Variants in FREM2 observed in about 807,000 individuals in gnomAD.
FREM2 encodes FRAS1-related extracellular matrix protein 2.
A neutral mutation model predicts 219.9 loss-of-function variants in FREM2; 119 were observed. The ratio of observed to expected loss-of-function variants is 0.54; its 90% CI spans 0.47 to 0.63. FREM2 has a LOEUF of 0.63. Among genes scored for constraint, FREM2 ranks in the 30% least tolerant of loss-of-function variants. The probability of loss-of-function intolerance (pLI) is 0.00; values close to 1 mark genes in which losing one functional copy is unlikely to be tolerated. For missense variants in FREM2, 4,030 were observed against 3,993.6 expected, an observed-to-expected ratio of 1.01 and a Z score of -0.25; for synonymous variants, 1,562 against 1,522.8, an observed-to-expected ratio of 1.03 and a Z score of -0.60.
At chr13:38,764,224 C>T (rs1873346419) in intron 2 of FREM2, 80 bp from the exon 3 acceptor site, 2 of 1,003,524 alleles carry the variant, frequency 2.0e-6, no homozygotes, top group Admixed American at 1.7e-5. Flanking sequence ...AATGTTGTTT[C>T]ATTAAAGTAA....
chr13:38,762,155 A>C (rs572901128), intron 2 of FREM2, among the ~76,000 whole-genome samples: 27 of 152,268 alleles, frequency 1.8e-4, no homozygotes, highest in African/African-American at 6.0e-4. Context: ...CGATCTTTGA[A>C]GAAATCACAG....
intron 2 of FREM2, among the ~76,000 whole-genome samples, chr13:38,737,408 T>G (rs1872042335): frequency 6.6e-6 from 1 of 152,188 alleles, no homozygotes; most frequent in African/African-American, 2.4e-5. Context: ...TGTTAGCATA[T>G]TTCTCTCTAA....
At chr13:38,803,690 C>T (rs531762180) in intron 6 of FREM2, among the ~76,000 whole-genome samples, 5 of 150,046 alleles carry the variant, frequency 3.3e-5, no homozygotes, top group South Asian at 2.2e-4. Flanking sequence ...TGTGACAACC[C>T]GCAGGGGTTT....
intron 2 of FREM2, among the ~76,000 whole-genome samples, chr13:38,710,656 C>T (rs1309717218): frequency 1.3e-5 from 2 of 152,176 alleles, no homozygotes; most frequent in African/African-American, 4.8e-5. Flanking sequence ...TTGCCTTAGT[C>T]ACCACACGGC....
At position 38,831,930 on chromosome 13, in the gene FREM2, A is replaced by G. The variant is rs543515842; in HGVS notation, c.6020-14643A>G. Reference sequence around the variant, plus strand: ...CTACTGCATCTGGTCCTGAACTTTAATTTTTCAACAATAATTTTGAAAATG... The same window carrying G: ...CTACTGCATCTGGTCCTGAACTTTAGTTTTTCAACAATAATTTTGAAAATG... On this transcript the variant is annotated intron_variant, in intron 6 of 23. Transcript: ENST00000280481. Among the ~76,000 whole-genome samples the G allele has an allele frequency of 2.0e-5, 3 of 152,100 alleles. No homozygotes were observed. The East Asian group carries it at 5.8e-4, about 29-fold the overall frequency.
chr13:38,882,807 T>C lies in FREM2; in HGVS notation c.*2020T>C, dbSNP rs555037836. On this transcript the variant is annotated 3_prime_UTR_variant, in exon 24 of 24. Coordinates refer to ENST00000280481, the MANE Select transcript of FREM2 (RefSeq NM_207361.6). ...TGCGTAGACTTTTCCCTACTTACCA[T>C]TGGGTTCAATTGATGTAGACTGTTA... 4 of 152,198 alleles carry C rather than the reference T, an allele frequency of 2.6e-5. No individual in the cohort carries two copies. Among genetic ancestry groups the C allele is most frequent in the Non-Finnish European group, 4.4e-5 (3 of 68,030 alleles). The allele number at this position is 152,198 out of a possible 1,614,324, so 9.4% of individuals were successfully genotyped here.
rs201226270 is a variant in FREM2 at position 38,783,059 on chromosome 13, T to A, written c.5642-11T>A. 1.9e-6 allele frequency: 3 copies of A among 1,613,160 alleles called. No individual in the cohort carries two copies. In the East Asian group the frequency reaches 6.7e-5, roughly 36 times the overall value. ...ACAAAAATAATGCTTGCAATTGTGTTTTCTCTCTAGAGCCAACTGTGTTTA... is the reference window on the plus strand; with the variant it reads ...ACAAAAATAATGCTTGCAATTGTGTATTCTCTCTAGAGCCAACTGTGTTTA... On this transcript the variant is annotated splice_polypyrimidine_tract_variant and intron_variant, in intron 4 of 23. Coordinates refer to ENST00000280481, the MANE Select transcript of FREM2 (RefSeq NM_207361.6).
chr13:38,734,738 C>CTTTTTTTT (rs11314517), intron 2 of FREM2, among the ~76,000 whole-genome samples: 3 of 89,384 alleles, frequency 3.4e-5, no homozygotes, highest in East Asian at 3.6e-4. Flanking sequence ...CAGTGCTATA[C>CTTTTTTTT]TTTTTTTTTT....
At chr13:38,704,416 G>A (rs1034333804) in intron 2 of FREM2, among the ~76,000 whole-genome samples, 2 of 152,210 alleles carry the variant, frequency 1.3e-5, no homozygotes, top group African/African-American at 2.4e-5. Context: ...GCACCTGAAA[G>A]GTGGTATTTA....
chr13:38,807,189 T>TTATATATATATATATA (rs59551341), intron 6 of FREM2, among the ~76,000 whole-genome samples: 206 of 45,264 alleles, frequency 4.6e-3, no homozygotes, highest in Non-Finnish European at 6.5e-3. Context: ...CTTGTCTCTG[T>TTATATATATATATATA]TATATATATA....
At chr13:38,737,303 T>C (rs1195737589) in intron 2 of FREM2, among the ~76,000 whole-genome samples, 1 of 152,234 alleles carries the variant, frequency 6.6e-6, no homozygotes, top group Non-Finnish European at 1.5e-5. Context: ...TTTTGTCATT[T>C]TAATGCTAGA....
chr13:38,769,923 A>C, intron 4 of FREM2, 115 bp downstream of exon 4: 1 of 784,302 alleles, frequency 1.3e-6, no homozygotes, highest in Non-Finnish European at 2.2e-6. Context: ...CCATAGAGAG[A>C]ACCTTCTAGA....
chr13:38,857,889 T>C lies in FREM2; in HGVS notation c.7071T>C (p.Ile2357=). The change falls in exon 13 of 24, where the codon ATT becomes ATC. Residue 2357 remains isoleucine, a synonymous_variant. Transcript: ENST00000280481. ...MIAEMQLTKA[I]VYIEEMSSMA... Reference sequence around the variant, plus strand: ...TTTCCTTCTAGTTGACGAAAGCCATTGTGTACATAGAAGAAATGAGCAGCA... The same window carrying C: ...TTTCCTTCTAGTTGACGAAAGCCATCGTGTACATAGAAGAAATGAGCAGCA... 2 of 1,613,696 alleles carry C rather than the reference T, an allele frequency of 1.2e-6. No individual in the cohort carries two copies. Among genetic ancestry groups the C allele is most frequent in the Non-Finnish European group, 1.7e-6 (2 of 1,179,598 alleles).
Position 38,861,553 on chromosome 13 carries a change from C to G in FREM2, c.7642C>G (p.His2548Asp). The G allele has an allele frequency of 6.2e-7, 1 of 1,614,012 alleles. No homozygotes were observed. The highest frequency in any genetic ancestry group is 8.5e-7 in the Non-Finnish European group (1 of 1,179,972). The change falls in exon 15 of 24, where the codon CAC becomes GAC. Residue 2548 changes from histidine to aspartate, a missense_variant. Around this residue, in one of 2 missense-constraint regions of FREM2, gnomAD observed 928 missense variants for 1,042.9 expected, o/e 0.89. Coordinates refer to ENST00000280481, the MANE Select transcript of FREM2 (RefSeq NM_207361.6). ...TATCAAGCTCACTGTCACAATGCCA[C>G]ACATAGATGGTAGGTGACTTGGGTA... ...NLIKLTVTMP[H>D]IDGMLPVIST...
Position 38,690,679 on chromosome 13 carries a change from C to G in FREM2, c.3335C>G (p.Ser1112Ter). ...TGCACTATAGTTATTCAGCCTACTT[C>G]AGGTTATGTTGAAAACATTTCTCCA... is the stretch of plus-strand genomic sequence containing the variant. ...ILCTIVIQPTSGYVENISPAP... is the reference protein window; with the variant it reads ...ILCTIVIQPT Residue 1112 changes from serine (S) to a stop codon, truncating the protein, a stop_gained, in exon 1 of 24, where the codon TCA becomes TGA. Transcript: ENST00000280481. LOFTEE classifies it high-confidence loss of function. 6.2e-7 allele frequency: 1 copy of G among 1,613,944 alleles called. No individual in the cohort carries two copies. The highest frequency in any genetic ancestry group is 8.5e-7 in the Non-Finnish European group (1 of 1,180,018).
intron 11 of FREM2, 39 bp downstream of exon 11, chr13:38,851,907 C>G (rs781714522): frequency 1.5e-5 from 24 of 1,561,006 alleles, no homozygotes; most frequent in Non-Finnish European, 2.0e-5. Flanking sequence ...ATGGATCATG[C>G]CAACTCTGTG....
At chr13:38,783,273 A>G (rs1277642568) in intron 5 of FREM2, 78 bp downstream of exon 5, 2 of 1,454,908 alleles carry the variant, frequency 1.4e-6, no homozygotes, top group African/African-American at 2.8e-5. Flanking sequence ...GAGCCATAAC[A>G]TTTTACCATG....
chr13:38,786,339 A>C (rs1005491092), intron 6 of FREM2, among the ~76,000 whole-genome samples: 1 of 152,178 alleles, frequency 6.6e-6, no homozygotes, highest in Non-Finnish European at 1.5e-5. Flanking sequence ...AAAAATTAGA[A>C]ATTATTTTAT....
intron 6 of FREM2, among the ~76,000 whole-genome samples, chr13:38,819,134 T>C (rs935982570): frequency 1.3e-5 from 2 of 152,070 alleles, no homozygotes; most frequent in African/African-American, 4.8e-5. Context: ...TTGTTAGCAA[T>C]AGGAGTCCAT....
Sources: gnomAD v4.1 joint callset for allele counts (sites outside exome capture counted in the v4.1 genomes callset) on GRCh38, gnomAD v4.1.1 for gene constraint, gnomAD v4.1.1 regional missense constraint, MANE v1.5 for transcripts, NCBI Gene and HGNC (gene_info 2026-07-23, HGNC 2026-07-21) for gene names.